The following TAS1R2 variants were observed in gnomAD, a reference collection of about 807,000 sequenced individuals.
TAS1R2 encodes taste receptor type 1 member 2.
Under a neutral mutation model 49.3 loss-of-function variants are expected in TAS1R2, and 47 were observed. That is an observed-to-expected ratio of 0.95 (90% CI 0.75 to 1.22). The LOEUF (loss-of-function observed/expected upper bound fraction) is 1.22, where lower values mean the gene tolerates loss of function less well. Among genes scored for constraint, TAS1R2 ranks in the 50% most tolerant of loss-of-function variants. TAS1R2 has a pLI of 0.00. For missense variants in TAS1R2, 1,155 were observed against 1,122.1 expected (o/e 1.03, Z -0.42); for synonymous variants, 479 against 467.9 (o/e 1.02, Z -0.31).
exon 2 of TAS1R2, chr1:18,857,420 T>G: frequency 6.2e-7 from 1 of 1,614,084 alleles, no homozygotes; most frequent in Non-Finnish European, 8.5e-7. Flanking sequence ...ACACGGGAAA[T>G]GTAGTTACTG....
intron 5 of TAS1R2, 46 bp from the exon 6 acceptor site, chr1:18,840,573 G>T (rs770714995): frequency 1.2e-6 from 2 of 1,604,042 alleles, no homozygotes; most frequent in Admixed American, 3.3e-5. Flanking sequence ...CATCTTCCAA[G>T]CACCTGCATC....
At chr1:18,849,131 C>T (rs1029237080) in intron 4 of TAS1R2, 5 of 590,048 alleles carry the variant, frequency 8.5e-6, no homozygotes, top group South Asian at 4.4e-5. Context: ...AGCCCCTCTT[C>T]CTGGGAAACC....
rs567107786 is a variant in TAS1R2, at chr1:18,854,943, C to G, written c.527G>C (p.Arg176Pro). Reference sequence around the variant, plus strand: ...TGTGGTACGCAGCAAAGCCGGGAAGCGCACCTTGTCTCGCAGCTCATCGCT... The same window carrying G: ...TGTGGTACGCAGCAAAGCCGGGAAGGGCACCTTGTCTCGCAGCTCATCGCT... The change falls in exon 3 of 6, where the codon CGC (arginine) becomes CCC (proline). Residue 176 changes from arginine to proline, a missense_variant. Transcript: ENST00000375371. This position sits in a 1 kb window ranked among gnomAD's most constrained non-coding sequence, Gnocchi z 4.9. The G allele has an allele frequency of 5.0e-6, 8 of 1,607,526 alleles. No individual in the cohort carries two copies. Among genetic ancestry groups the G allele is most frequent in the South Asian group, 1.1e-5 (1 of 91,012 alleles).
chr1:18,839,926 G>A, exon 6 of TAS1R2: 1 of 1,614,248 alleles, frequency 6.2e-7, no homozygotes, highest in South Asian at 1.1e-5. Flanking sequence ...CCAGGCTGGT[G>A]TTGAACAGCA....
chr1:18,859,354 G>A (rs1011628863), intron 1 of TAS1R2, 125 bp downstream of exon 1: 16 of 1,168,070 alleles, frequency 1.4e-5, no homozygotes, highest in Non-Finnish European at 1.9e-5. Context: ...TAAGGGGGTT[G>A]GCAATGAATG....
intron 3 of TAS1R2, among the ~76,000 whole-genome samples, chr1:18,850,683 A>G (rs1441303197): frequency 6.6e-6 from 1 of 152,256 alleles, no homozygotes; most frequent in East Asian, 1.9e-4. Context: ...ATCACCCCCA[A>G]GGGGTCGGAA....
At chr1:18,851,952 C>T (rs2100518025) in intron 3 of TAS1R2, among the ~76,000 whole-genome samples, 1 of 152,328 alleles carries the variant, frequency 6.6e-6, no homozygotes, top group East Asian at 1.9e-4. Context: ...ATCTGCTCAA[C>T]AGTGTCTGTC....
chr1:18,843,436 G>C (rs906370460), intron 4 of TAS1R2, among the ~76,000 whole-genome samples: 1 of 152,186 alleles, frequency 6.6e-6, no homozygotes, highest in Non-Finnish European at 1.5e-5. Context: ...CCCTACACCT[G>C]CTACCATGAA....
chr1:18,852,071 C>T (rs904159965), intron 3 of TAS1R2, among the ~76,000 whole-genome samples: 2 of 152,244 alleles, frequency 1.3e-5, no homozygotes, highest in African/African-American at 4.8e-5. Flanking sequence ...CAGACCAGTG[C>T]TAGCAACTTG....
chr1:18,839,885 A>T (rs1285570649), exon 6 of TAS1R2: 1 of 1,614,244 alleles, frequency 6.2e-7, no homozygotes, highest in Admixed American at 1.7e-5. Flanking sequence ...CATGTAGGCG[A>T]AGCTGAAACC....
In TAS1R2 at chr1:18,854,321, A is replaced by G. The variant is rs1934086263; in HGVS notation, c.1149T>C (p.Arg383=). The G allele has an allele frequency of 1.2e-6, 2 of 1,614,034 alleles. No individual in the cohort carries two copies. The highest frequency in any genetic ancestry group is 1.3e-5 in the African/African-American group (1 of 75,038). The change falls in exon 3 of 6, where the codon CGT becomes CGC. Residue 383 remains arginine, a synonymous_variant. Transcript: ENST00000375371. This position sits in a 1 kb window ranked among gnomAD's most constrained non-coding sequence, Gnocchi z 4.9. ...CCGCAGAGTACACGCTGTAGACGAC[A>G]CGCTCCCCAGAGAGCCTGAGAATGG...
chr1:18,853,909 G>A (rs545425946), intron 3 of TAS1R2, among the ~76,000 whole-genome samples: 68 of 152,256 alleles, frequency 4.5e-4, no homozygotes, highest in Admixed American at 3.0e-3. Flanking sequence ...GGGTCCACGC[G>A]AAAACACAAG....
Position 18,854,879 on chromosome 1 carries a change from C to T in TAS1R2, c.591G>A (p.Leu197=), listed in dbSNP as rs763831401. ...TCCAGTTCCAGCGGAAGTGCAGCATCAGCTGCACCATGGCCTCGATGTGGT... is the reference window on the plus strand; with the variant it reads ...TCCAGTTCCAGCGGAAGTGCAGCATTAGCTGCACCATGGCCTCGATGTGGT... Residue 197 remains leucine, a synonymous_variant, in exon 3 of 6, where the codon CTG becomes CTA. Coordinates refer to ENST00000375371, the Ensembl canonical transcript of TAS1R2. The surrounding 1 kb of genome is among the most constrained non-coding windows in gnomAD (Gnocchi z 4.9). 15 of 1,612,526 alleles carry T rather than the reference C, an allele frequency of 9.3e-6. No individual in the cohort carries two copies. Among genetic ancestry groups the T allele is most frequent in the Non-Finnish European group, 1.3e-5 (15 of 1,179,926 alleles).
chr1:18,840,156 T>C, exon 6 of TAS1R2: 1 of 1,614,102 alleles, frequency 6.2e-7, no homozygotes, highest in Non-Finnish European at 8.5e-7. Context: ...GCGCAGACGA[T>C]CTGGAAAGAA....
Position 18,854,476 on chromosome 1 carries a change from T to G in TAS1R2, c.994A>C (p.Ile332Leu). The change falls in exon 3 of 6, where the codon ATC (isoleucine) becomes CTC (leucine). Residue 332 changes from isoleucine (I) to leucine (L), a missense_variant. Physicochemically the swap from Ile to Leu is conservative, Grantham distance 5. Coordinates refer to ENST00000375371, the Ensembl canonical transcript of TAS1R2. This position sits in a 1 kb window ranked among gnomAD's most constrained non-coding sequence, Gnocchi z 4.9. ...TCGCGGAACTCACTGAAGCCCGGGA[T>G]GGGCACGCTCTGGATGGTGATGCCC... is the stretch of plus-strand genomic sequence containing the variant. The G allele has an allele frequency of 6.2e-7, 1 of 1,614,128 alleles. No individual in the cohort carries two copies. Among genetic ancestry groups the G allele is most frequent in the Non-Finnish European group, 8.5e-7 (1 of 1,180,022 alleles).
At chr1:18,857,735 C>T (rs1320979162) in intron 1 of TAS1R2, 104 bp from the exon 2 acceptor site, 1 of 1,360,016 alleles carries the variant, frequency 7.4e-7, no homozygotes, top group Non-Finnish European at 9.9e-7. Flanking sequence ...AAAGCCAAGG[C>T]ATTGACTGAG....
chr1:18,841,614 AC>A (rs1219675052), intron 5 of TAS1R2, 114 bp downstream of exon 5: 2 of 1,427,346 alleles, frequency 1.4e-6, no homozygotes, highest in Non-Finnish European at 1.9e-6. Context: ...GGACACTCAC[AC>A]CCCCTGTGGG....
intron 4 of TAS1R2, among the ~76,000 whole-genome samples, chr1:18,845,748 C>T (rs1933908945): frequency 6.6e-6 from 1 of 152,188 alleles, no homozygotes; most frequent in Non-Finnish European, 1.5e-5. Flanking sequence ...GCTTCAATCC[C>T]AGTGCACCTG....
chr1:18,840,130 G>C, exon 6 of TAS1R2: 1 of 1,614,268 alleles, frequency 6.2e-7, no homozygotes, highest in South Asian at 1.1e-5. Flanking sequence ...GTGGGAAGCG[G>C]CTGGCCATCT....
Sources: allele counts gnomAD v4.1 joint callset (sites outside exome capture counted in the v4.1 genomes callset), GRCh38; gene constraint gnomAD v4.1.1; non-coding constraint Gnocchi (gnomAD v3.1); transcripts MANE v1.5; gene names NCBI Gene and HGNC (gene_info 2026-07-23, HGNC 2026-07-21).